ELK3: variants seen among roughly 807,000 people sequenced by gnomAD.
The protein encoded by ELK3 is ETS transcription factor ELK3, also known as ETS domain-containing protein Elk-3.
ELK3 carries 10 observed loss-of-function variants against 28.9 expected under a neutral mutation model. The ratio of observed to expected loss-of-function variants is 0.35; its 90% CI spans 0.21 to 0.59. The LOEUF is 0.59. Ranked by LOEUF, ELK3 falls within the 20% of genes least tolerant of loss-of-function variation. The pLI, the probability that ELK3 is intolerant of heterozygous loss-of-function variation, is 0.82. For synonymous variants in ELK3, 272 were observed against 243.5 expected (o/e 1.12, Z -1.09); for missense variants, 463 against 517.3 (o/e 0.90, Z 1.02).
chr12:96,253,660 G>A (rs1304821733), intron 3 of ELK3, among the ~76,000 whole-genome samples: 1 of 152,182 alleles, frequency 6.6e-6, no homozygotes, highest in Non-Finnish European at 1.5e-5. Context: ...ACAGATATTT[G>A]TGGGTACAAC....
chr12:96,213,281 C>T (rs1951589220), intron 1 of ELK3, among the ~76,000 whole-genome samples: 1 of 152,178 alleles, frequency 6.6e-6, no homozygotes, highest in African/African-American at 2.4e-5. Context: ...CTTTACCCTG[C>T]AGATTGACCA....
rs920609616 is a variant in ELK3, at chr12:96,246,961, G to A, written c.229G>A (p.Gly77Arg). The change falls in exon 3 of 5, where the codon GGG becomes AGG. Residue 77 changes from glycine (G) to arginine (R), a missense_variant. Gly to Arg is a moderately radical substitution (Grantham distance 125). Coordinates refer to ENST00000228741, the MANE Select transcript of ELK3 (RefSeq NM_005230.4). Reference protein sequence around the residue: ...YDKNIIKKVIGQKFVYKFVSF... With the variant: ...YDKNIIKKVIRQKFVYKFVSF... ...GCAGAACATCATCAAGAAGGTGATC[G>A]GGCAGAAGTTTGTGTACAAGTTTGT... 4 of 1,601,832 alleles carry A rather than the reference G, an allele frequency of 2.5e-6. No homozygotes were observed. Among genetic ancestry groups the A allele is most frequent in the East Asian group, 2.2e-5 (1 of 44,668 alleles).
intron 2 of ELK3, among the ~76,000 whole-genome samples, chr12:96,244,906 AT>A (rs1314250717): frequency 1.3e-5 from 2 of 152,106 alleles, no homozygotes; most frequent in African/African-American, 2.4e-5. Flanking sequence ...AGTTTCCCAA[AT>A]TTCTCTAAAG....
Position 96,247,463 on chromosome 12 carries a change from C to A in ELK3, c.731C>A (p.Pro244Gln). The A allele has an allele frequency of 2.5e-6, 4 of 1,614,112 alleles. No individual in the cohort carries two copies. The highest frequency in any genetic ancestry group is 3.4e-6 in the Non-Finnish European group (4 of 1,180,022). ...GCCTCACCCTTCTCATCTCGGTCCCCGTCCCTGTCCCCCAACTCACCCCTC... is the reference window on the plus strand; with the variant it reads ...GCCTCACCCTTCTCATCTCGGTCCCAGTCCCTGTCCCCCAACTCACCCCTC... ...SSASPFSSRSPSLSPNSPLPS... is the reference protein window; with the variant it reads ...SSASPFSSRSQSLSPNSPLPS... The change falls in exon 3 of 5, where the codon CCG becomes CAG. Residue 244 changes from proline (P) to glutamine (Q), a missense_variant. Physicochemically the swap from Pro to Gln is moderately conservative, Grantham distance 76. This residue lies in a region of ELK3 where 408 missense variants were observed against 414.8 expected (regional missense o/e 0.98). Coordinates refer to ENST00000228741, the MANE Select transcript of ELK3 (RefSeq NM_005230.4). This position sits in a 1 kb window ranked among gnomAD's most constrained non-coding sequence, Gnocchi z 5.5.
chr12:96,245,039 T>C (rs1014023272), intron 2 of ELK3, among the ~76,000 whole-genome samples: 1 of 152,112 alleles, frequency 6.6e-6, no homozygotes, highest in African/African-American at 2.4e-5. Flanking sequence ...CCGCGGCCAC[T>C]GGAACTGTTG....
intron 2 of ELK3, among the ~76,000 whole-genome samples, chr12:96,236,295 G>A (rs779390404): frequency 1.3e-5 from 2 of 152,176 alleles, no homozygotes; most frequent in Non-Finnish European, 2.9e-5. Context: ...GAATCCTCCC[G>A]GGTTGGGGTG....
In ELK3 at chr12:96,196,126, A is replaced by G. The variant is rs963347984; in HGVS notation, c.-3+1421A>G. On this transcript the variant is annotated intron_variant, in intron 1 of 4. Coordinates refer to ENST00000228741, the MANE Select transcript of ELK3 (RefSeq NM_005230.4). Reference sequence around the variant, plus strand: ...CTAAGTAATGTCTGCACACACACCAACTAATCTCATTAGGAGTTTCCGCTG... The same window carrying G: ...CTAAGTAATGTCTGCACACACACCAGCTAATCTCATTAGGAGTTTCCGCTG... Among the ~76,000 whole-genome samples the G allele has an allele frequency of 7.2e-5, 11 of 152,132 alleles. No individual in the cohort carries two copies. In the East Asian group the frequency reaches 2.1e-3, roughly 29 times the overall value.
At chr12:96,196,653 T>G (rs1951470412) in intron 1 of ELK3, among the ~76,000 whole-genome samples, 1 of 151,920 alleles carries the variant, frequency 6.6e-6, no homozygotes, top group Non-Finnish European at 1.5e-5. Flanking sequence ...TCTTAGAGTT[T>G]CCAGTAATGA....
chr12:96,234,834 C>T (rs190242202), intron 2 of ELK3, among the ~76,000 whole-genome samples: 1 of 152,280 alleles, frequency 6.6e-6, no homozygotes, highest in East Asian at 1.9e-4. Context: ...CCCCCAAGGC[C>T]CATGCCTGGG....
At chr12:96,230,690 C>T (rs1203869843) in intron 2 of ELK3, among the ~76,000 whole-genome samples, 1 of 152,138 alleles carries the variant, frequency 6.6e-6, no homozygotes, top group Non-Finnish European at 1.5e-5. Flanking sequence ...TAATAGATGA[C>T]TTAAATGGGA....
intron 1 of ELK3, among the ~76,000 whole-genome samples, chr12:96,200,381 CT>C (rs148626709): frequency 6.6e-6 from 1 of 151,860 alleles, no homozygotes; most frequent in Non-Finnish European, 1.5e-5. Flanking sequence ...TCCCCTCTCT[CT>C]TTTTTTTAAG....
At chr12:96,207,179 C>G (rs1411427234) in intron 1 of ELK3, among the ~76,000 whole-genome samples, 1 of 152,186 alleles carries the variant, frequency 6.6e-6, no homozygotes, top group Admixed American at 6.5e-5. Flanking sequence ...TGTGCTTGTA[C>G]TTTTACCTTA....
In ELK3 at chr12:96,248,703, C is replaced by T. The variant is rs370971956; in HGVS notation, c.1002+969C>T. The stretch of plus-strand genomic sequence containing the variant: ...TGCACCCGTCCCCTGCCTCTGTAAT[C>T]TCATCGTAGTTGTCCCTGTTGTCAT... On this transcript the variant is annotated intron_variant, in intron 3 of 4. Coordinates refer to ENST00000228741, the MANE Select transcript of ELK3 (RefSeq NM_005230.4). 5.9e-5 allele frequency among the ~76,000 whole-genome samples: 9 copies of T among 152,294 alleles called. 1 individual carries two copies. In the South Asian group the frequency reaches 1.9e-3, roughly 32 times the overall value.
intron 1 of ELK3, among the ~76,000 whole-genome samples, chr12:96,219,500 T>C (rs1212318625): frequency 6.6e-6 from 1 of 152,076 alleles, no homozygotes; most frequent in Non-Finnish European, 1.5e-5. Flanking sequence ...TATGTGAAAA[T>C]AGTTGTGTAA....
At chr12:96,246,810 T>A in intron 2 of ELK3, 130 bp from the exon 3 acceptor site, 1 of 941,016 alleles carries the variant, frequency 1.1e-6, no homozygotes, top group Non-Finnish European at 1.6e-6. Context: ...CTCCTTCCAC[T>A]TTTCCTTAGC....
chr12:96,258,103 CAGAG>C (rs933908541), intron 3 of ELK3, among the ~76,000 whole-genome samples: 3 of 152,150 alleles, frequency 2.0e-5, no homozygotes, highest in East Asian at 1.9e-4. Context: ...GCAACTGAGA[CAGAG>C]AGAGGTTAGG....
At chr12:96,198,718 C>T (rs1019206524) in intron 1 of ELK3, among the ~76,000 whole-genome samples, 2 of 152,074 alleles carry the variant, frequency 1.3e-5, no homozygotes, top group Admixed American at 6.6e-5. Context: ...AAATAGACAT[C>T]TCCCATAATT....
intron 2 of ELK3, among the ~76,000 whole-genome samples, chr12:96,228,442 A>AAAAAAAAAAAAAAAAAAAAAAAAG (rs761298726): frequency 1.5e-4 from 21 of 142,640 alleles, no homozygotes; most frequent in Admixed American, 5.2e-4. Flanking sequence ...AAAAAAAAAA[A>AAAAAAAAAAAAAAAAAAAAAAAAG]AAGAAGATCA....
chr12:96,194,697 C>A lies in ELK3; in HGVS notation c.-11C>A, dbSNP rs916996548. The A allele has an allele frequency of 2.7e-5, 4 of 150,612 alleles. No individual in the cohort carries two copies. The highest frequency in any genetic ancestry group is 9.7e-5 in the African/African-American group (4 of 41,220). The allele number at this position is 150,612 out of a possible 1,614,324, so 9.3% of individuals were successfully genotyped here. A position where few individuals can be genotyped will look rare whatever the true frequency, so the allele number is the denominator to read the frequency against. On this transcript the variant is annotated 5_prime_UTR_variant, in exon 1 of 5. Transcript: ENST00000228741. Reference sequence around the variant, plus strand: ...AAATTCCCCCCGAAGAAGACTCCCCCACATCTGGGTAGGTAACAGGGCTTC... The same window carrying A: ...AAATTCCCCCCGAAGAAGACTCCCCAACATCTGGGTAGGTAACAGGGCTTC...
Sources: allele counts gnomAD v4.1 joint callset (sites outside exome capture counted in the v4.1 genomes callset), GRCh38; gene constraint gnomAD v4.1.1; regional missense constraint gnomAD v4.1.1; non-coding constraint Gnocchi (gnomAD v3.1); transcripts MANE v1.5; gene names NCBI Gene and HGNC (gene_info 2026-07-23, HGNC 2026-07-21).